Variants in APOBEC3D observed in about 807,000 individuals in gnomAD.
The protein encoded by APOBEC3D is DNA dC->dU-editing enzyme APOBEC-3D.
Under a neutral mutation model 45.6 loss-of-function variants are expected in APOBEC3D, and 37 were observed. That is an observed-to-expected ratio of 0.81 (90% confidence interval 0.62 to 1.07). The LOEUF is 1.07. Among genes scored for constraint, APOBEC3D ranks in the 50% least tolerant of loss-of-function variants. APOBEC3D has a pLI of 0.00. For synonymous variants in APOBEC3D, 175 were observed against 180.7 expected (o/e 0.97, Z 0.25); for missense variants, 496 against 495.3 (o/e 1.00, Z -0.01).
At chr22:39,027,981 C>T (rs1202605439) in intron 4 of APOBEC3D, among the ~76,000 whole-genome samples, 2 of 152,210 alleles carry the variant, frequency 1.3e-5, no homozygotes, top group African/African-American at 4.8e-5. Context: ...GAGAATTGAA[C>T]CAAAGGATGA....
At position 39,021,461 on chromosome 22, in the gene APOBEC3D, A is replaced by T; in HGVS notation, c.-59A>T. ...TGCAAGGAGCCGCAAGCAGGAAGTG[A>T]AACCACAGCACTTCAAAAAAAGAGG... On this transcript the variant is annotated 5_prime_UTR_variant, in exon 1 of 7. Coordinates refer to ENST00000216099, the MANE Select transcript of APOBEC3D (RefSeq NM_152426.4). The T allele has an allele frequency of 2.5e-6, 4 of 1,613,138 alleles. No individual in the cohort carries two copies. The South Asian group carries it at 4.4e-5, about 18-fold the overall frequency.
rs1468857234 is a variant in APOBEC3D at position 39,032,372 on chromosome 22, G to A, written c.*56G>A. ...TTCTAGCCTCCTGCTCATGCTGCAC[G>A]GGCCTCCCCTCCATCCTGCACCAGC... On this transcript the variant is annotated 3_prime_UTR_variant, in exon 7 of 7. Coordinates refer to ENST00000216099, the MANE Select transcript of APOBEC3D (RefSeq NM_152426.4). 1.3e-5 allele frequency: 21 copies of A among 1,600,644 alleles called. No individual in the cohort carries two copies. The highest frequency in any genetic ancestry group is 1.7e-5 in the Admixed American group (1 of 58,520).
rs1198716861 is a variant in APOBEC3D, at chr22:39,025,550, A to T, written c.491-7A>T. The T allele has an allele frequency of 1.9e-6, 3 of 1,613,960 alleles. No individual in the cohort carries two copies. The highest frequency in any genetic ancestry group is 1.6e-4 in the Middle Eastern group (1 of 6,084). On this transcript the variant is annotated splice_region_variant and splice_polypyrimidine_tract_variant and intron_variant, in intron 3 of 6. Coordinates refer to ENST00000216099, the MANE Select transcript of APOBEC3D (RefSeq NM_152426.4). ...GAGCCTGAGTGCTTCCCACCTCTTC[A>T]TCTCAGACTTTGCATACTGCTGGGA...
intron 2 of APOBEC3D, among the ~76,000 whole-genome samples, chr22:39,024,208 A>C (rs1422655659): frequency 6.6e-6 from 1 of 152,254 alleles, no homozygotes; most frequent in Non-Finnish European, 1.5e-5. Context: ...TCTCACACTG[A>C]AATGAGTGGT....
chr22:39,022,712 AG>A, intron 1 of APOBEC3D, 109 bp from the exon 2 acceptor site: 1 of 1,382,142 alleles, frequency 7.2e-7, no homozygotes, highest in Non-Finnish European at 9.7e-7. Flanking sequence ...AGGGCTGTGG[AG>A]GGGTGGGGGA....
Position 39,025,462 on chromosome 22 carries a change from G to A in APOBEC3D, c.491-95G>A, listed in dbSNP as rs777408528. The stretch of plus-strand genomic sequence containing the variant: ...CAGGGCAGCCTGCAGGGGTGGGGCT[G>A]GCACTGATTGCAACTGACAGCCAGG... On this transcript the variant is annotated intron_variant, in intron 3 of 6. Transcript: ENST00000216099. The A allele has an allele frequency of 7.4e-6, 12 of 1,613,844 alleles. No homozygotes were observed. In the South Asian group the frequency reaches 1.3e-4, roughly 18 times the overall value.
At chr22:39,028,445 T>C (rs189402420) in intron 4 of APOBEC3D, among the ~76,000 whole-genome samples, 244 of 152,262 alleles carry the variant, frequency 1.6e-3, no homozygotes, top group Non-Finnish European at 2.4e-3. Flanking sequence ...CTCTGTAAAA[T>C]AGGGATGGCC....
Position 39,032,373 on chromosome 22 carries a change from G to A in APOBEC3D, c.*57G>A. 6.2e-7 allele frequency: 1 copy of A among 1,600,602 alleles called. No homozygotes were observed. The highest frequency in any genetic ancestry group is 1.7e-5 in the Admixed American group (1 of 58,502). Reference sequence around the variant, plus strand: ...TCTAGCCTCCTGCTCATGCTGCACGGGCCTCCCCTCCATCCTGCACCAGCT... The same window carrying A: ...TCTAGCCTCCTGCTCATGCTGCACGAGCCTCCCCTCCATCCTGCACCAGCT... On this transcript the variant is annotated 3_prime_UTR_variant, in exon 7 of 7. Transcript: ENST00000216099.
chr22:39,028,461 A>G (rs1288029626), intron 4 of APOBEC3D, among the ~76,000 whole-genome samples: 2 of 152,224 alleles, frequency 1.3e-5, no homozygotes, highest in Non-Finnish European at 2.9e-5. Context: ...TGGCCCCTGC[A>G]GGCCTCAGGC....
chr22:39,028,810 C>CCA (rs1925932018), intron 4 of APOBEC3D, among the ~76,000 whole-genome samples: 1 of 152,100 alleles, frequency 6.6e-6, no homozygotes, highest in Admixed American at 6.6e-5. Context: ...TGGCATGCAC[C>CCA]TGTAGTCCCA....
Position 39,021,355 on chromosome 22 carries a change from C to T in APOBEC3D, c.-165C>T. 1 of 839,878 alleles carries T rather than the reference C, an allele frequency of 1.2e-6. No homozygotes were observed. Among genetic ancestry groups the T allele is most frequent in the Non-Finnish European group, 1.9e-6 (1 of 518,584 alleles). 52.0% of individuals were successfully genotyped at this position (839,878 alleles called of 1,614,324 possible). ...ACTCCTGACCTCGTGATCCGCCCGC[C>T]TCGGCCTCCCAAAGTGCTGGGATTA... On this transcript the variant is annotated 5_prime_UTR_variant, in exon 1 of 7. Coordinates refer to ENST00000216099, the MANE Select transcript of APOBEC3D (RefSeq NM_152426.4).
chr22:39,030,421 C>T (rs1271515912), intron 5 of APOBEC3D, among the ~76,000 whole-genome samples: 4 of 152,344 alleles, frequency 2.6e-5, no homozygotes, highest in Non-Finnish European at 5.9e-5. Flanking sequence ...AGGATGGAAG[C>T]GCAAGTGTTT....
chr22:39,029,935 G>A (rs576749165), intron 5 of APOBEC3D, among the ~76,000 whole-genome samples: 81 of 152,198 alleles, frequency 5.3e-4, no homozygotes, highest in African/African-American at 1.9e-3. Flanking sequence ...TTAAGTCGGT[G>A]GCCCAGATCT....
At position 39,031,952 on chromosome 22, in the gene APOBEC3D, G is replaced by T. The variant is rs1011989347; in HGVS notation, c.1021G>T (p.Val341Leu). 1.9e-6 allele frequency: 3 copies of T among 1,614,174 alleles called. No individual in the cohort carries two copies. The highest frequency in any genetic ancestry group is 2.5e-6 in the Non-Finnish European group (3 of 1,180,040). ...LCSLSQEGAS[V>L]KIMGYKDFVS... ...CAGCCTGAGTCAGGAAGGGGCCTCC[G>T]TGAAGATCATGGGCTACAAAGGTGA... The change falls in exon 6 of 7, where the codon GTG (valine) becomes TTG (leucine). Residue 341 changes from valine (V) to leucine (L), a missense_variant. Physicochemically the swap from Val to Leu is conservative, Grantham distance 32 (BLOSUM62 1). Coordinates refer to ENST00000216099, the MANE Select transcript of APOBEC3D (RefSeq NM_152426.4).
chr22:39,025,511 C>T, intron 3 of APOBEC3D, 46 bp from the exon 4 acceptor site: 1 of 1,614,054 alleles, frequency 6.2e-7, no homozygotes, highest in Non-Finnish European at 8.5e-7. Flanking sequence ...GAGGGCAGGC[C>T]CAGGGTCAGG....
chr22:39,030,394 G>A (rs1395907921), intron 5 of APOBEC3D, among the ~76,000 whole-genome samples: 3 of 152,132 alleles, frequency 2.0e-5, no homozygotes, highest in African/African-American at 4.8e-5. Flanking sequence ...TGCTGGCCTC[G>A]GAAACACCCA....
intron 5 of APOBEC3D, among the ~76,000 whole-genome samples, chr22:39,030,533 A>G (rs1209600860): frequency 6.6e-6 from 1 of 152,188 alleles, no homozygotes; most frequent in Non-Finnish European, 1.5e-5. Context: ...TATACTTAAT[A>G]TAAAATGCCT....
chr22:39,022,905 G>C lies in APOBEC3D; in HGVS notation c.101G>C (p.Trp34Ser), dbSNP rs1925261624. 6.2e-7 allele frequency: 1 copy of C among 1,613,506 alleles called. No homozygotes were observed. The highest frequency in any genetic ancestry group is 8.5e-7 in the Non-Finnish European group (1 of 1,179,978). The change falls in exon 2 of 7, where the codon TGG (tryptophan) becomes TCG (serine). Residue 34 changes from tryptophan (W) to serine (S), a missense_variant. By Grantham distance (177) the Trp-to-Ser change is radical. Transcript: ENST00000216099. ...ATCCTCTATGGTCGGAGCTACACTTGGCTGTGCTATGAAGTGAAAATAAAG... is the reference window on the plus strand; with the variant it reads ...ATCCTCTATGGTCGGAGCTACACTTCGCTGTGCTATGAAGTGAAAATAAAG... ...EPILYGRSYT[W>S]LCYEVKIKRG...
chr22:39,032,162 TG>T (rs780373989), intron 6 of APOBEC3D, 35 bp from the exon 7 acceptor site: 53 of 1,609,030 alleles, frequency 3.3e-5, no homozygotes, highest in Non-Finnish European at 4.3e-5. Context: ...AGAGGCTTGC[TG>T]GGCCCTCACT....
Sources: gnomAD v4.1 joint callset for allele counts (sites outside exome capture counted in the v4.1 genomes callset) on GRCh38, gnomAD v4.1.1 for gene constraint, MANE v1.5 for transcripts, NCBI Gene and HGNC (gene_info 2026-07-23, HGNC 2026-07-21) for gene names.